Variants in ZSCAN4 observed in about 807,000 individuals in gnomAD.
ZSCAN4 encodes the protein zinc finger and SCAN domain-containing protein 4.
A neutral mutation model predicts 18.3 loss-of-function variants in ZSCAN4; 18 were observed. That is an observed-to-expected ratio of 0.98 (90% confidence interval 0.68 to 1.46). The LOEUF is 1.46. Among genes scored for constraint, ZSCAN4 ranks in the 40% most tolerant of loss-of-function variants. The pLI is 0.00. For synonymous variants in ZSCAN4, 193 were observed against 180.3 expected, an observed-to-expected ratio of 1.07 and a Z score of -0.57; for missense variants, 498 against 511.4, an observed-to-expected ratio of 0.97 and a Z score of 0.25.
intron 2 of ZSCAN4, among the ~76,000 whole-genome samples, chr19:57,675,368 G>A (rs1322157822): frequency 1.3e-5 from 2 of 151,912 alleles, no homozygotes; most frequent in Non-Finnish European, 2.9e-5. Context: ...GGCTGGTCTC[G>A]AAATCCTGAC....
At chr19:57,659,070 T>C in the ZSCAN4 span, among the ~76,000 whole-genome samples, 4 of 152,158 alleles carry the variant, frequency 2.6e-5, no homozygotes, top group African/African-American at 9.7e-5. Flanking sequence ...ATATATAATC[T>C]GTAAAGAAGA....
At chr19:57,668,569 A>AATT (rs1983919200), upstream of ZSCAN4, among the ~76,000 whole-genome samples, 1 of 152,150 alleles carries the variant, frequency 6.6e-6, no homozygotes, top group African/African-American at 2.4e-5. Context: ...ACATGGCTGT[A>AATT]ATTAGCTCCC....
chr19:57,676,238 T>C (rs149281562), exon 3 of ZSCAN4: 83 of 1,614,044 alleles, frequency 5.1e-5, no homozygotes, highest in Non-Finnish European at 6.9e-5. Context: ...GCCAAGGACC[T>C]GCTGTTCAGA....
At chr19:57,664,266 G>A (rs1375911766), upstream of ZSCAN4, 1 of 152,762 alleles carries the variant, frequency 6.5e-6, no homozygotes, top group Non-Finnish European at 1.5e-5. Flanking sequence ...CGGGGGTCGG[G>A]GTCGGGCGCG....
At chr19:57,677,862 C>G in intron 3 of ZSCAN4, 52 bp from the exon 4 acceptor site, 1 of 1,469,790 alleles carries the variant, frequency 6.8e-7, no homozygotes. Flanking sequence ...TCCAAAAAGT[C>G]TTCTGTTACA....
the ZSCAN4 span, among the ~76,000 whole-genome samples, chr19:57,658,801 T>C: frequency 2.7e-3 from 365 of 133,910 alleles, 1 homozygote; most frequent in African/African-American, 0.01. Context: ...GCCATTGCAC[T>C]CCAGCCTGGG....
the ZSCAN4 span, among the ~76,000 whole-genome samples, chr19:57,655,958 G>C: frequency 6.6e-6 from 1 of 151,926 alleles, no homozygotes; most frequent in African/African-American, 2.4e-5. Context: ...CCTCCTAACA[G>C]GCAGAATTAG....
At chr19:57,670,605 G>T (rs1983988805) in intron 2 of ZSCAN4, 38 bp downstream of exon 2, 4 of 152,194 alleles carry the variant, frequency 2.6e-5, no homozygotes, top group Admixed American at 2.0e-4. Context: ...TTGTGCCTTT[G>T]AGTGTGTATA....
At chr19:57,667,858 T>C (rs1480564330), upstream of ZSCAN4, among the ~76,000 whole-genome samples, 3 of 149,100 alleles carry the variant, frequency 2.0e-5, no homozygotes, top group South Asian at 4.3e-4. Flanking sequence ...GGTACTCACA[T>C]TGTCTACATT....
upstream of ZSCAN4, chr19:57,664,568 A>G (rs12978289): frequency 0.7 from 108,345 of 153,966 alleles, 39,544 homozygotes; most frequent in African/African-American, 0.92. Context: ...GGCGGGAGCT[A>G]GTCACGGGGC....
Position 57,678,800 on chromosome 19 carries a change from CT to C in ZSCAN4, c.1201del (p.Cys401ValfsTer15). On this transcript the variant is annotated frameshift_variant, in exon 5 of 5. Coordinates refer to ENST00000318203, the Ensembl canonical transcript of ZSCAN4. LOFTEE classifies it low-confidence loss of function (END_TRUNC). ...CAGGAGAAAAGCCTTATACATGTCCCTTTTGTAAGACAAGCTACCGCCAGTC... is the reference window on the plus strand; with the variant it reads ...CAGGAGAAAAGCCTTATACATGTCCCTTTGTAAGACAAGCTACCGCCAGTC... 1 of 1,614,122 alleles carries C rather than the reference CT, an allele frequency of 6.2e-7. No individual in the cohort carries two copies. The highest frequency in any genetic ancestry group is 8.5e-7 in the Non-Finnish European group (1 of 1,180,038).
Position 57,678,161 on chromosome 19 carries a change from C to A in ZSCAN4, c.563-5C>A. 1 of 1,610,708 alleles carries A rather than the reference C, an allele frequency of 6.2e-7. No homozygotes were observed. The highest frequency in any genetic ancestry group is 8.5e-7 in the Non-Finnish European group (1 of 1,178,256). On this transcript the variant is annotated splice_region_variant and splice_polypyrimidine_tract_variant and intron_variant, in intron 4 of 4. Coordinates refer to ENST00000318203, the Ensembl canonical transcript of ZSCAN4. ...TACAACTTCATTGAGTGTCTATTTTCACAGGATATGAAGATGAACAAGATG... is the reference window on the plus strand; with the variant it reads ...TACAACTTCATTGAGTGTCTATTTTAACAGGATATGAAGATGAACAAGATG...
chr19:57,661,761 A>T, the ZSCAN4 span, among the ~76,000 whole-genome samples: 7 of 152,236 alleles, frequency 4.6e-5, no homozygotes, highest in Non-Finnish European at 1.0e-4. Context: ...CAGAATTTTG[A>T]CATCTTTAAG....
the ZSCAN4 span, among the ~76,000 whole-genome samples, chr19:57,661,349 C>A: frequency 6.6e-6 from 1 of 152,150 alleles, no homozygotes; most frequent in Non-Finnish European, 1.5e-5. Flanking sequence ...TCTCCCTTAA[C>A]TCACCTCTGC....
the ZSCAN4 span, among the ~76,000 whole-genome samples, chr19:57,659,266 C>T: frequency 6.6e-6 from 1 of 152,126 alleles, no homozygotes; most frequent in South Asian, 2.1e-4. Flanking sequence ...GGGTGCTTTG[C>T]TTACTGCTTA....
At chr19:57,662,552 G>GT in the ZSCAN4 span, among the ~76,000 whole-genome samples, 3 of 151,894 alleles carry the variant, frequency 2.0e-5, no homozygotes, top group Non-Finnish European at 4.4e-5. Flanking sequence ...GAGAGATTTG[G>GT]TTTTTTGTTT....
intron 2 of ZSCAN4, among the ~76,000 whole-genome samples, chr19:57,673,857 C>CG (rs1568451195): frequency 3.3e-5 from 5 of 152,096 alleles, no homozygotes; most frequent in Non-Finnish European, 7.4e-5. Flanking sequence ...AAGTTCAACC[C>CG]ATTCTCCTTG....
intron 2 of ZSCAN4, 33 bp from the exon 3 acceptor site, chr19:57,676,008 G>A: frequency 2.4e-6 from 2 of 830,436 alleles, no homozygotes; most frequent in East Asian, 2.7e-5. Context: ...TGCCAGTGGT[G>A]CAATTAATTA....
the ZSCAN4 span, among the ~76,000 whole-genome samples, chr19:57,656,717 G>A: frequency 7.2e-5 from 11 of 152,230 alleles, no homozygotes; most frequent in African/African-American, 2.4e-4. Context: ...TAAATGATGA[G>A]TATTCAGAAT....
Sources: allele counts gnomAD v4.1 joint callset (sites outside exome capture counted in the v4.1 genomes callset), GRCh38; gene constraint gnomAD v4.1.1; transcripts MANE v1.5; gene names NCBI Gene and HGNC (gene_info 2026-07-23, HGNC 2026-07-21).